TRIOBP: variants seen among roughly 807,000 people sequenced by gnomAD.
The protein encoded by TRIOBP is TRIO and F-actin binding protein.
Under a neutral mutation model 238.8 loss-of-function variants are expected in TRIOBP, and 169 were observed. That is an observed-to-expected ratio of 0.71 (90% CI 0.62 to 0.80). TRIOBP has a LOEUF of 0.80. Ranked by LOEUF, TRIOBP falls within the 30% of genes least tolerant of loss-of-function variation. The pLI, the probability that TRIOBP is intolerant of heterozygous loss-of-function variation, is 0.00. For synonymous variants in TRIOBP, 1,150 were observed against 1,274.4 expected (o/e 0.90, Z 2.08); for missense variants, 2,838 against 3,122.6 (o/e 0.91, Z 2.17).
In TRIOBP at chr22:37,754,973, A is replaced by G. The variant is rs1925835902; in HGVS notation, c.5476A>G (p.Thr1826Ala). The G allele has an allele frequency of 6.2e-7, 1 of 1,614,096 alleles. No individual in the cohort carries two copies. Among genetic ancestry groups the G allele is most frequent in the Non-Finnish European group, 8.5e-7 (1 of 1,180,000 alleles). The change falls in exon 13 of 24, where the codon ACT (threonine) becomes GCT (alanine). Residue 1826 changes from threonine to alanine, a missense_variant. Thr to Ala is a moderately conservative substitution (Grantham distance 58, BLOSUM62 0). Around this residue, in one of 5 missense-constraint regions of TRIOBP, gnomAD observed 2,096 missense variants for 2,137.4 expected, o/e 0.98. Transcript: ENST00000644935. The stretch of plus-strand genomic sequence containing the variant: ...AAGTCTCAAATATTACAGAGACTCC[A>G]CTGCTGAGGAGGTGAGGCCATGGGT... ...DSSLKYYRDS[T>A]AEEADELDGE... is the part of the protein sequence containing the mutation.
At chr22:37,752,339 A>T (rs1339374747) in intron 12 of TRIOBP, among the ~76,000 whole-genome samples, 1 of 152,212 alleles carries the variant, frequency 6.6e-6, no homozygotes, top group Admixed American at 6.5e-5. Context: ...GGTCAGAGAG[A>T]TCAAGCACGT....
intron 6 of TRIOBP, among the ~76,000 whole-genome samples, chr22:37,721,388 C>T (rs767418664): frequency 2.0e-4 from 31 of 152,136 alleles, no homozygotes; most frequent in Non-Finnish European, 4.0e-4. Context: ...AGAGGCTGGA[C>T]GAGGCAGTGG....
intron 6 of TRIOBP, among the ~76,000 whole-genome samples, chr22:37,719,989 C>CACACTGCACTCACTGTTTCACTCATG (rs367687004): frequency 1.4e-5 from 1 of 71,208 alleles, no homozygotes; most frequent in Non-Finnish European, 2.5e-5. Flanking sequence ...TTTCACTCAT[C>CACACTGCACTCACTGTTTCACTCATG]CCCCCCCGCC....
At chr22:37,751,866 G>T (rs767755899) in intron 12 of TRIOBP, 38 bp downstream of exon 12, 35 of 1,611,374 alleles carry the variant, frequency 2.2e-5, no homozygotes, top group Non-Finnish European at 2.9e-5. Context: ...AAGCTGGCTT[G>T]TGCTGCTGCT....
rs372141125 is a variant in TRIOBP at position 37,703,503 on chromosome 22, C to CTTT, written c.114+2041_114+2043dup. ...ATTCCCATTGGGGTCTGAAGGTCCTCTTTTTTTTTTTTTTTTTTTGAGACA... is the reference window on the plus strand; with the variant it reads ...ATTCCCATTGGGGTCTGAAGGTCCTCTTTTTTTTTTTTTTTTTTTTTTGAGACA... On this transcript the variant is annotated intron_variant, in intron 3 of 23. Transcript: ENST00000644935. Among the ~76,000 whole-genome samples, 67 of 124,556 alleles carry CTTT rather than the reference C, an allele frequency of 5.4e-4. 1 individual carries two copies. The highest frequency in any genetic ancestry group is 1.4e-3 in the African/African-American group (49 of 33,916). 81.7% of individuals were successfully genotyped at this position (124,556 alleles called of 152,430 possible).
In TRIOBP at chr22:37,734,452, G is replaced by A. The variant is rs8140207; in HGVS notation, c.4116G>A (p.Glu1372=). The A allele has an allele frequency of 6.8e-6, 11 of 1,612,804 alleles. No individual in the cohort carries two copies. The highest frequency in any genetic ancestry group is 1.7e-4 in the Middle Eastern group (1 of 6,058). The change falls in exon 9 of 24, where the codon GAG becomes GAA. Residue 1372 remains glutamate (E), a synonymous_variant. Transcript: ENST00000644935. The part of the protein sequence containing the change: ...QAELTRRSQA[E]PPHPWSPEKR... The stretch of plus-strand genomic sequence containing the variant: ...AACTGACCCGGCGGAGCCAAGCAGA[G>A]CCCCCTCATCCTTGGAGTCCTGAGA...
chr22:37,725,183 A>G lies in TRIOBP; in HGVS notation c.2627A>G (p.Glu876Gly), dbSNP rs537104821. The G allele has an allele frequency of 1.5e-5, 24 of 1,614,080 alleles. No homozygotes were observed. In the South Asian group the frequency reaches 2.3e-4, roughly 16 times the overall value. The change falls in exon 7 of 24, where the codon GAG becomes GGG. Residue 876 changes from glutamate (E) to glycine (G), a missense_variant. Around this residue, in one of 5 missense-constraint regions of TRIOBP, gnomAD observed 2,096 missense variants for 2,137.4 expected, o/e 0.98. Coordinates refer to ENST00000644935, the MANE Select transcript of TRIOBP (RefSeq NM_001039141.3). ...TCATCTCAATGCTGCACCCAAAAGG[A>G]GAATCTGAGACCATCATCTCCCCAC... ...TSSSQCCTQK[E>G]NLRPSSPHRS...
At chr22:37,765,967 C>T in intron 18 of TRIOBP, 150 bp downstream of exon 18, 2 of 1,117,178 alleles carry the variant, frequency 1.8e-6, no homozygotes, top group Admixed American at 2.8e-5. Context: ...TTAGAAGCTC[C>T]AAGAACTGGC....
rs1187749987 is a variant in TRIOBP, at chr22:37,697,640, T to C, written c.-117T>C. The stretch of plus-strand genomic sequence containing the variant: ...GGCTGTCCCAGGGGAGGAGGTGAAA[T>C]TCCTCAGCTCTCCACCAAGATTGGC... On this transcript the variant is annotated 5_prime_UTR_variant, in exon 2 of 24. Coordinates refer to ENST00000644935, the MANE Select transcript of TRIOBP (RefSeq NM_001039141.3). The C allele has an allele frequency of 2.0e-5, 3 of 151,888 alleles. No individual in the cohort carries two copies. The East Asian group carries it at 5.8e-4, about 29-fold the overall frequency. 9.4% of individuals were successfully genotyped at this position (151,888 alleles called of 1,614,324 possible).
Position 37,734,587 on chromosome 22 carries a change from A to C in TRIOBP, c.4251A>C (p.Gln1417His), listed in dbSNP as rs1924570280. The part of the protein sequence containing the change: ...LRTQRPLESG[Q>H]AGPRQPLGVW... ...CACAGAGACCTCTGGAGAGTGGCCA[A>C]GCAGGCCCAAGACAGCCTCTGGGGG... The change falls in exon 9 of 24, where the codon CAA becomes CAC. Residue 1417 changes from glutamine (Q) to histidine (H), a missense_variant. Gln to His is a conservative substitution (Grantham distance 24, BLOSUM62 0). Transcript: ENST00000644935. 6.3e-7 allele frequency: 1 copy of C among 1,580,628 alleles called. No individual in the cohort carries two copies. Among genetic ancestry groups the C allele is most frequent in the Non-Finnish European group, 8.6e-7 (1 of 1,163,642 alleles).
chr22:37,721,240 T>C (rs750496580), intron 6 of TRIOBP, among the ~76,000 whole-genome samples: 8 of 152,038 alleles, frequency 5.3e-5, no homozygotes, highest in Non-Finnish European at 7.4e-5. Flanking sequence ...CTCGAACTCC[T>C]GACCTCAGAT....
Position 37,772,576 on chromosome 22 carries a change from C to T in TRIOBP, c.6937-25C>T, listed in dbSNP as rs1228302014. 7.4e-6 allele frequency: 12 copies of T among 1,613,754 alleles called. No individual in the cohort carries two copies. In the South Asian group the frequency reaches 1.2e-4, roughly 16 times the overall value. ...GGGCTGGAGGGAGAGACTTCATGCC[C>T]TCATACCTGCCTCCTGCCCCCCAGG... On this transcript the variant is annotated intron_variant, in intron 22 of 23. Transcript: ENST00000644935.
rs1926141274 is a variant in TRIOBP, at chr22:37,759,679, C to A, written c.6324+415C>A. 3.9e-6 allele frequency: 6 copies of A among 1,520,202 alleles called. No individual in the cohort carries two copies. The East Asian group carries it at 9.9e-5, about 25-fold the overall frequency. The allele number at this position is 1,520,202 out of a possible 1,614,324, so 94.2% of individuals were successfully genotyped here. A position where few individuals can be genotyped will look rare whatever the true frequency, so the allele number is the denominator to read the frequency against. On this transcript the variant is annotated intron_variant, in intron 17 of 23. Coordinates refer to ENST00000644935, the MANE Select transcript of TRIOBP (RefSeq NM_001039141.3). ...CTGCCGAGGCCCACTGGGCCAAGGCCCCACACAAGGAGGTCTGCAGGACAG... is the reference window on the plus strand; with the variant it reads ...CTGCCGAGGCCCACTGGGCCAAGGCACCACACAAGGAGGTCTGCAGGACAG...
chr22:37,726,478 G>A lies in TRIOBP; in HGVS notation c.3922G>A (p.Glu1308Lys), dbSNP rs1924172164. 3 of 1,540,724 alleles carry A rather than the reference G, an allele frequency of 1.9e-6. No individual in the cohort carries two copies. The highest frequency in any genetic ancestry group is 1.2e-5 in the South Asian group (1 of 84,156). The change falls in exon 7 of 24, where the codon GAG (glutamate) becomes AAG (lysine). Residue 1308 changes from glutamate (E) to lysine (K), a missense_variant. Glu to Lys is a moderately conservative substitution (Grantham distance 56). Around this residue, in one of 5 missense-constraint regions of TRIOBP, gnomAD observed 2,096 missense variants for 2,137.4 expected, o/e 0.98. Coordinates refer to ENST00000644935, the MANE Select transcript of TRIOBP (RefSeq NM_001039141.3). ...CCACAGCCCTGGCCGTGCAGAGGTGGAGCGCCTCTTCGGGCAAGAGCGCAG... is the reference window on the plus strand; with the variant it reads ...CCACAGCCCTGGCCGTGCAGAGGTGAAGCGCCTCTTCGGGCAAGAGCGCAG... The part of the protein sequence containing the change: ...RTHSPGRAEV[E>K]RLFGQERRKS...
At position 37,774,421 on chromosome 22, in the gene TRIOBP, T is replaced by A. The variant is rs1926941816; in HGVS notation, c.*641T>A. The A allele has an allele frequency of 6.6e-6, 1 of 152,266 alleles. No individual in the cohort carries two copies. 9.4% of individuals were successfully genotyped at this position (152,266 alleles called of 1,614,324 possible). The stretch of plus-strand genomic sequence containing the variant: ...ATGGCCCCACAGCCTCCTTCGAGGC[T>A]GTGCTGGGTGCAGAACCGCCAGAGC... On this transcript the variant is annotated 3_prime_UTR_variant, in exon 24 of 24. Coordinates refer to ENST00000644935, the MANE Select transcript of TRIOBP (RefSeq NM_001039141.3).
At chr22:37,716,589 G>A (rs1030098438) in intron 6 of TRIOBP, among the ~76,000 whole-genome samples, 4 of 152,138 alleles carry the variant, frequency 2.6e-5, no homozygotes, top group African/African-American at 7.2e-5. Flanking sequence ...GCCACCACAC[G>A]TGGCTAATTT....
In TRIOBP at chr22:37,713,383, C is replaced by G. The variant is rs747437863; in HGVS notation, c.428C>G (p.Pro143Arg). ...ACCTCCAGCCCTGACTCCGCCACCCCTGATGATACCAGCAACTCGTCCTCT... is the reference window on the plus strand; with the variant it reads ...ACCTCCAGCCCTGACTCCGCCACCCGTGATGATACCAGCAACTCGTCCTCT... ...DPTSSPDSAT[P>R]DDTSNSSSVD... The change falls in exon 5 of 24, where the codon CCT (proline) becomes CGT (arginine). Residue 143 changes from proline (P) to arginine (R), a missense_variant. Physicochemically the swap from Pro to Arg is moderately radical, Grantham distance 103. This residue lies in a region of TRIOBP where 535 missense variants were observed against 537.3 expected (regional missense o/e 1.00). Transcript: ENST00000644935. 1 of 1,613,772 alleles carries G rather than the reference C, an allele frequency of 6.2e-7. No homozygotes were observed. Among genetic ancestry groups the G allele is most frequent in the Non-Finnish European group, 8.5e-7 (1 of 1,180,002 alleles).
intron 18 of TRIOBP, among the ~76,000 whole-genome samples, chr22:37,766,305 C>T (rs756868964): frequency 1.3e-5 from 2 of 151,992 alleles, no homozygotes; most frequent in African/African-American, 2.4e-5. Flanking sequence ...GGACAATTCC[C>T]TCCCCTCCTG....
chr22:37,699,214 A>G (rs889444762), intron 2 of TRIOBP, among the ~76,000 whole-genome samples: 1 of 152,296 alleles, frequency 6.6e-6, no homozygotes, highest in East Asian at 1.9e-4. Context: ...TTCTGCCACA[A>G]ACTTGCTGTG....
Sources: allele counts gnomAD v4.1 joint callset (sites outside exome capture counted in the v4.1 genomes callset), GRCh38; gene constraint gnomAD v4.1.1; regional missense constraint gnomAD v4.1.1; transcripts MANE v1.5; gene names NCBI Gene and HGNC (gene_info 2026-07-23, HGNC 2026-07-21).